PTPRD: variants seen among roughly 807,000 people sequenced by gnomAD.
PTPRD encodes the protein receptor-type tyrosine-protein phosphatase delta.
Under a neutral mutation model 214.5 loss-of-function variants are expected in PTPRD, and 34 were observed. The ratio of observed to expected loss-of-function variants is 0.16; its 90% CI spans 0.12 to 0.21. PTPRD has a LOEUF of 0.21. Ranked by LOEUF, PTPRD falls within the 10% of genes least tolerant of loss-of-function variation. The pLI is 1.00. For missense variants in PTPRD, 2,545 were observed against 2,398.7 expected (o/e 1.06, Z -1.27); for synonymous variants, 1,128 against 845.7 (o/e 1.33, Z -5.79).
At chr9:9,831,253 A>G (rs1288430176) in intron 5 of PTPRD, among the ~76,000 whole-genome samples, 1 of 152,010 alleles carries the variant, frequency 6.6e-6, no homozygotes, top group Admixed American at 6.6e-5. Context: ...CTAAAGGAAC[A>G]GACTGAAACC....
At chr9:8,509,894 G>C (rs1478823592) in intron 21 of PTPRD, among the ~76,000 whole-genome samples, 3 of 152,114 alleles carry the variant, frequency 2.0e-5, no homozygotes, top group African/African-American at 4.8e-5. Flanking sequence ...TTGATGCAAA[G>C]TGTCTTCATC....
chr9:9,315,747 T>G (rs939818730), intron 9 of PTPRD, among the ~76,000 whole-genome samples: 2 of 151,386 alleles, frequency 1.3e-5, no homozygotes, highest in African/African-American at 4.8e-5. Flanking sequence ...AAAATCTCTG[T>G]GACTAGAAAC....
At position 9,970,548 on chromosome 9, in the gene PTPRD, C is replaced by A. The variant is rs113344716; in HGVS notation, c.-471-31938G>T. Among the ~76,000 whole-genome samples the A allele has an allele frequency of 1.3e-3, 202 of 152,038 alleles. 1 individual carries two copies. Among genetic ancestry groups the A allele is most frequent in the African/African-American group, 4.7e-3 (195 of 41,470 alleles). ...GGCTCTTAGTGCAGCAGGTATGTAC[C>A]TAGTAGGAAAAAAAATTGTCCTCCT... On this transcript the variant is annotated intron_variant, in intron 4 of 45. Coordinates refer to ENST00000381196, the MANE Select transcript of PTPRD (RefSeq NM_002839.4).
chr9:9,133,716 G>C (rs1003451857), intron 10 of PTPRD, among the ~76,000 whole-genome samples: 4 of 152,198 alleles, frequency 2.6e-5, no homozygotes, highest in African/African-American at 9.7e-5. Context: ...TGGCCACTGA[G>C]TCTGTAAGGA....
intron 7 of PTPRD, among the ~76,000 whole-genome samples, chr9:9,719,142 C>A (rs866903987): frequency 6.6e-6 from 1 of 152,254 alleles, no homozygotes. Flanking sequence ...ATTCTGAGCC[C>A]ATAACATCTC....
rs369343672 is a variant in PTPRD, at chr9:9,898,915, TTTC to T, written c.-368+39589_-368+39591del. On this transcript the variant is annotated intron_variant, in intron 5 of 45. Transcript: ENST00000381196. The stretch of plus-strand genomic sequence containing the variant: ...ACGCATATCCCATATTCTCCAGGAT[TTTC>T]TTGTTTTCTTTTGAAAGGAAAAACA... Among the ~76,000 whole-genome samples the T allele has an allele frequency of 5.5e-3, 844 of 152,226 alleles. 9 individuals carry two copies. Among genetic ancestry groups the T allele is most frequent in the African/African-American group, 0.019 (802 of 41,578 alleles).
At chr9:10,422,596 C>A (rs1158586962) in intron 2 of PTPRD, among the ~76,000 whole-genome samples, 2 of 151,738 alleles carry the variant, frequency 1.3e-5, no homozygotes, top group Admixed American at 1.3e-4. Context: ...AGAACTTAAA[C>A]AAATTTACAA....
chr9:10,297,103 TTATA>T (rs372429613), intron 3 of PTPRD, among the ~76,000 whole-genome samples: 1 of 145,028 alleles, frequency 6.9e-6, no homozygotes, highest in African/African-American at 2.5e-5. Flanking sequence ...ATCAGAAATT[TTATA>T]TATATATATA....
chr9:10,503,193 C>CAAAAAAAAAAAAAAAAAAAAAA (rs753847764), intron 2 of PTPRD, among the ~76,000 whole-genome samples: 3 of 69,062 alleles, frequency 4.3e-5, no homozygotes, highest in African/African-American at 9.4e-5. Flanking sequence ...AGCTGCAATA[C>CAAAAAAAAAAAAAAAAAAAAAA]AAAAAAAAAA....
chr9:9,430,481 A>C (rs10122930), intron 8 of PTPRD, among the ~76,000 whole-genome samples: 74,348 of 151,762 alleles, frequency 0.49, 19,035 homozygotes, highest in Middle Eastern at 0.63. Context: ...TACTGCCCAA[A>C]GTAATTTATA....
chr9:10,554,545 C>T (rs992438417), intron 2 of PTPRD, among the ~76,000 whole-genome samples: 3 of 152,168 alleles, frequency 2.0e-5, no homozygotes, highest in Non-Finnish European at 4.4e-5. Context: ...ATAACAGCAT[C>T]AGGTATTTGA....
chr9:10,516,205 G>T (rs904033450), intron 2 of PTPRD, among the ~76,000 whole-genome samples: 1 of 151,584 alleles, frequency 6.6e-6, no homozygotes, highest in Non-Finnish European at 1.5e-5. Context: ...GCGTTCAAGG[G>T]TTCCAATTTT....
chr9:8,579,544 A>G lies in PTPRD; in HGVS notation c.353-50765T>C, dbSNP rs182387252. Among the ~76,000 whole-genome samples, 3 of 152,352 alleles carry G rather than the reference A, an allele frequency of 2.0e-5. No homozygotes were observed. In the East Asian group the frequency reaches 5.8e-4, roughly 29 times the overall value. On this transcript the variant is annotated intron_variant, in intron 14 of 45. Coordinates refer to ENST00000381196, the MANE Select transcript of PTPRD (RefSeq NM_002839.4). ...ATTTTAATAAGTCCTGGGCAATAAA[A>G]GTATAAAAAACCCACAGTGCCTGTC...
chr9:9,320,086 G>A (rs990993554), intron 9 of PTPRD, among the ~76,000 whole-genome samples: 1 of 152,050 alleles, frequency 6.6e-6, no homozygotes, highest in African/African-American at 2.4e-5. Context: ...GAATAATAAT[G>A]TTTTATTTGA....
At chr9:9,811,854 T>A (rs1160581420) in intron 5 of PTPRD, among the ~76,000 whole-genome samples, 1 of 152,200 alleles carries the variant, frequency 6.6e-6, no homozygotes, top group Non-Finnish European at 1.5e-5. Flanking sequence ...TTGACTCTAA[T>A]TGTGAAAGAA....
At chr9:9,756,307 T>C (rs1281610803) in intron 6 of PTPRD, among the ~76,000 whole-genome samples, 4 of 152,054 alleles carry the variant, frequency 2.6e-5, no homozygotes, top group African/African-American at 7.2e-5. Context: ...TGTGATGACT[T>C]TGATCCACAC....
At chr9:8,371,406 A>C (rs2134410424) in intron 39 of PTPRD, among the ~76,000 whole-genome samples, 1 of 152,108 alleles carries the variant, frequency 6.6e-6, no homozygotes, top group Non-Finnish European at 1.5e-5. Flanking sequence ...ATAAGCCATG[A>C]CTCATGCCTT....
intron 2 of PTPRD, among the ~76,000 whole-genome samples, chr9:10,573,337 A>C (rs951201612): frequency 1.3e-5 from 2 of 152,166 alleles, no homozygotes; most frequent in African/African-American, 2.4e-5. Flanking sequence ...CAAGTTCCCA[A>C]ATGCAAGTAA....
chr9:8,889,105 G>T (rs1445311427), intron 11 of PTPRD, among the ~76,000 whole-genome samples: 1 of 152,156 alleles, frequency 6.6e-6, no homozygotes, highest in Non-Finnish European at 1.5e-5. Flanking sequence ...ACCCAAGAGG[G>T]TATAAACCAA....
Sources: gnomAD v4.1 joint callset for allele counts (sites outside exome capture counted in the v4.1 genomes callset) on GRCh38, gnomAD v4.1.1 for gene constraint, MANE v1.5 for transcripts, NCBI Gene and HGNC (gene_info 2026-07-23, HGNC 2026-07-21) for gene names.